The following TRPM3 variants were observed in gnomAD, a reference collection of about 807,000 sequenced individuals.
TRPM3 encodes the protein long transient receptor potential channel 3.
Under a neutral mutation model 181.2 loss-of-function variants are expected in TRPM3, and 77 were observed. The observed-to-expected ratio is 0.42, with a 90% CI of 0.35 to 0.51. The LOEUF (loss-of-function observed/expected upper bound fraction) is 0.51, where lower values mean the gene tolerates loss of function less well. Among genes scored for constraint, TRPM3 ranks in the 20% least tolerant of loss-of-function variants. TRPM3 has a pLI of 0.01. For missense variants in TRPM3, 1,759 were observed against 2,196.7 expected (o/e 0.80, Z 3.98); for synonymous variants, 745 against 796.4 (o/e 0.94, Z 1.09).
chr9:71,139,362 T>G (rs2074962336), intron 1 of TRPM3, among the ~76,000 whole-genome samples: 1 of 152,338 alleles, frequency 6.6e-6, no homozygotes, highest in Non-Finnish European at 1.5e-5. Flanking sequence ...TTCCTAGAGA[T>G]GTGTTCAAAA....
intron 1 of TRPM3, among the ~76,000 whole-genome samples, chr9:71,196,573 T>C (rs10780994): frequency 0.43 from 64,823 of 151,404 alleles, 14,213 homozygotes; most frequent in East Asian, 0.52. Context: ...AATTGACCTG[T>C]TCTTCTTCTC....
Position 70,746,890 on chromosome 9 carries a change from G to A in TRPM3, c.1272+14711C>T, listed in dbSNP as rs551039787. On this transcript the variant is annotated intron_variant, in intron 8 of 25. Coordinates refer to ENST00000677713, the MANE Select transcript of TRPM3 (RefSeq NM_001366145.2). ...GTACTTGGTTACAATTGCCACATTA[G>A]ATTGCTTCCCATGGGTTGCACAATT... Among the ~76,000 whole-genome samples, 304 of 152,250 alleles carry A rather than the reference G, an allele frequency of 2.0e-3. 3 individuals are homozygous for A. Among genetic ancestry groups the A allele is most frequent in the African/African-American group, 7.0e-3 (290 of 41,556 alleles).
intron 22 of TRPM3, among the ~76,000 whole-genome samples, chr9:70,573,406 G>A (rs2052990246): frequency 6.6e-6 from 1 of 152,204 alleles, no homozygotes. Context: ...GTAAAATGGA[G>A]TTAGGCTCAG....
chr9:71,347,901 G>C (rs1173680192), intron 1 of TRPM3, among the ~76,000 whole-genome samples: 1 of 151,982 alleles, frequency 6.6e-6, no homozygotes, highest in African/African-American at 2.4e-5. Flanking sequence ...TTCTTGAAAA[G>C]TTGAGAAGAT....
At chr9:71,106,971 T>C in intron 1 of TRPM3, among the ~76,000 whole-genome samples, 1 of 152,224 alleles carries the variant, frequency 6.6e-6, no homozygotes, top group Non-Finnish European at 1.5e-5. Context: ...GACTAATGAA[T>C]TTGGGTTCGC....
intron 9 of TRPM3, among the ~76,000 whole-genome samples, chr9:70,644,732 A>G (rs75036144): frequency 6.6e-6 from 1 of 152,194 alleles, no homozygotes; most frequent in Non-Finnish European, 1.5e-5. Flanking sequence ...AGAAAGAAAT[A>G]AGGGGTATTC....
chr9:70,778,625 T>G (rs752950317), intron 7 of TRPM3, among the ~76,000 whole-genome samples: 21 of 152,192 alleles, frequency 1.4e-4, no homozygotes, highest in Non-Finnish European at 2.9e-5. Context: ...CAAGGTAAGA[T>G]GAAATTTACA....
At chr9:70,770,913 C>A (rs1041832433) in intron 7 of TRPM3, among the ~76,000 whole-genome samples, 2 of 152,122 alleles carry the variant, frequency 1.3e-5, no homozygotes, top group African/African-American at 2.4e-5. Flanking sequence ...AGGAGTCCAT[C>A]CCTATGGGGG....
chr9:71,255,494 A>C (rs1034355832), intron 1 of TRPM3, among the ~76,000 whole-genome samples: 1 of 152,116 alleles, frequency 6.6e-6, no homozygotes, highest in Non-Finnish European at 1.5e-5. Flanking sequence ...CTGTCCACAC[A>C]CCTCTGCTAA....
intron 1 of TRPM3, among the ~76,000 whole-genome samples, chr9:70,886,491 C>A (rs1047435478): frequency 6.6e-6 from 1 of 152,086 alleles, no homozygotes; most frequent in Non-Finnish European, 1.5e-5. Flanking sequence ...CTAATCTTAA[C>A]CCCGGGTCTA....
chr9:71,009,904 T>C (rs774211641), intron 1 of TRPM3, among the ~76,000 whole-genome samples: 8 of 152,014 alleles, frequency 5.3e-5, no homozygotes, highest in Admixed American at 4.6e-4. Flanking sequence ...TAGAACAGAA[T>C]AGAGAACCGA....
chr9:71,429,584 T>G (rs1232152634), intron 1 of TRPM3, among the ~76,000 whole-genome samples: 1 of 152,206 alleles, frequency 6.6e-6, no homozygotes, highest in Non-Finnish European at 1.5e-5. Context: ...CAGCTTCCAG[T>G]ATCCTAAAGG....
chr9:71,441,700 T>C (rs946791906), intron 1 of TRPM3, among the ~76,000 whole-genome samples: 19 of 149,788 alleles, frequency 1.3e-4, no homozygotes, highest in Non-Finnish European at 2.4e-4. Context: ...AGGCATGATC[T>C]CGGCTCACTG....
At chr9:70,766,222 C>T (rs2135370693) in intron 7 of TRPM3, among the ~76,000 whole-genome samples, 1 of 152,290 alleles carries the variant, frequency 6.6e-6, no homozygotes, top group South Asian at 2.1e-4. Context: ...GGGTAACCAT[C>T]AAAACGCCCC....
At chr9:71,053,314 G>A (rs377074109) in intron 1 of TRPM3, among the ~76,000 whole-genome samples, 13 of 152,144 alleles carry the variant, frequency 8.5e-5, no homozygotes, top group East Asian at 7.8e-4. Context: ...CCTGTGCAGC[G>A]CTAGTCATCT....
intron 1 of TRPM3, among the ~76,000 whole-genome samples, chr9:70,922,283 C>A (rs974970144): frequency 6.6e-6 from 1 of 152,012 alleles, no homozygotes; most frequent in Non-Finnish European, 1.5e-5. Flanking sequence ...ACAATATCAC[C>A]CCTCCCCACA....
chr9:71,090,329 A>T (rs1040206634), intron 1 of TRPM3, among the ~76,000 whole-genome samples: 2 of 152,196 alleles, frequency 1.3e-5, no homozygotes, highest in Non-Finnish European at 2.9e-5. Flanking sequence ...GACTTTCCTT[A>T]GCTGCAAACT....
intron 15 of TRPM3, among the ~76,000 whole-genome samples, chr9:70,621,031 T>C (rs940656501): frequency 1.3e-4 from 19 of 145,960 alleles, no homozygotes; most frequent in Non-Finnish European, 2.7e-4. Context: ...TTATTATATA[T>C]ATATAATATA....
At chr9:70,909,019 A>C (rs1000189354) in intron 1 of TRPM3, among the ~76,000 whole-genome samples, 3 of 152,246 alleles carry the variant, frequency 2.0e-5, no homozygotes, top group Admixed American at 2.0e-4. Context: ...AAGGTAATAA[A>C]GCATCTTTAT....
Sources: allele counts gnomAD v4.1 joint callset (sites outside exome capture counted in the v4.1 genomes callset), GRCh38; gene constraint gnomAD v4.1.1; transcripts MANE v1.5; gene names NCBI Gene and HGNC (gene_info 2026-07-23, HGNC 2026-07-21).